PKHD1: variants seen among roughly 807,000 people sequenced by gnomAD.
The protein encoded by PKHD1 is fibrocystin.
Under a neutral mutation model 412.0 loss-of-function variants are expected in PKHD1, and 291 were observed. The ratio of observed to expected loss-of-function variants is 0.71; its 90% CI spans 0.64 to 0.78. The LOEUF (loss-of-function observed/expected upper bound fraction) is 0.78, where lower values mean the gene tolerates loss of function less well. Ranked by LOEUF, PKHD1 falls within the 30% of genes least tolerant of loss-of-function variation. The probability of loss-of-function intolerance (pLI) is 0.00; values close to 1 mark genes in which losing one functional copy is unlikely to be tolerated. For missense variants in PKHD1, 4,825 were observed against 4,950.7 expected (o/e 0.97, Z 0.76); for synonymous variants, 1,777 against 1,821.5 (o/e 0.98, Z 0.62).
chr6:51,874,920 C>A lies in PKHD1; in HGVS notation c.7351-4281G>T, dbSNP rs577821420. 1.1e-3 allele frequency among the ~76,000 whole-genome samples: 88 copies of A among 83,536 alleles called. 18 individuals are homozygous for A. The South Asian group carries it at 0.019, about 18-fold the overall frequency. 54.8% of individuals were successfully genotyped at this position (83,536 alleles called of 152,430 possible). ...AGTGTGTGTGCGCACCGTGCGCGAGCCGAAGCAGGGCGAGGCATTGCCTCA... is the reference window on the plus strand; with the variant it reads ...AGTGTGTGTGCGCACCGTGCGCGAGACGAAGCAGGGCGAGGCATTGCCTCA... On this transcript the variant is annotated intron_variant, in intron 46 of 66. Transcript: ENST00000371117.
intron 35 of PKHD1, among the ~76,000 whole-genome samples, chr6:51,980,492 C>G (rs1237864153): frequency 6.6e-6 from 1 of 152,028 alleles, no homozygotes; most frequent in Admixed American, 6.6e-5. Flanking sequence ...TATATTCAAC[C>G]CATAAACATT....
intron 35 of PKHD1, among the ~76,000 whole-genome samples, chr6:51,981,631 C>G (rs1795322042): frequency 7.4e-6 from 1 of 135,528 alleles, no homozygotes; most frequent in Admixed American, 7.6e-5. Context: ...CAGTGGGTGC[C>G]CAGGCTGGAG....
intron 52 of PKHD1, among the ~76,000 whole-genome samples, chr6:51,809,492 T>C (rs1764352825): frequency 6.6e-6 from 1 of 152,110 alleles, no homozygotes; most frequent in South Asian, 2.1e-4. Context: ...TTTAAAATCC[T>C]TGCCAGTTGT....
chr6:51,634,663 T>C lies in PKHD1; in HGVS notation c.11507-1940A>G, dbSNP rs548708395. On this transcript the variant is annotated intron_variant, in intron 64 of 66. Transcript: ENST00000371117. ...TAATGCAAATCAATTGCTTTGGATG[T>C]TTATTTTCCATTGATATGATTCGGG... Among the ~76,000 whole-genome samples, 11 of 152,314 alleles carry C rather than the reference T, an allele frequency of 7.2e-5. No individual in the cohort carries two copies. In the East Asian group the frequency reaches 2.1e-3, roughly 29 times the overall value.
chr6:51,663,789 A>G (rs1773255596), intron 60 of PKHD1, among the ~76,000 whole-genome samples: 1 of 152,158 alleles, frequency 6.6e-6, no homozygotes, highest in African/African-American at 2.4e-5. Context: ...CTCTAAATTG[A>G]TTCTTAATAT....
chr6:51,664,602 A>AT, intron 60 of PKHD1, among the ~76,000 whole-genome samples: 1 of 152,270 alleles, frequency 6.6e-6, no homozygotes, highest in Middle Eastern at 3.4e-3. Flanking sequence ...ATGCAGTAAG[A>AT]TTTTGTTACT....
chr6:51,930,633 G>A (rs1246456367), intron 37 of PKHD1, among the ~76,000 whole-genome samples: 2 of 152,218 alleles, frequency 1.3e-5, no homozygotes, highest in Non-Finnish European at 2.9e-5. Flanking sequence ...CAGACCATTT[G>A]TGTGATTCTA....
intron 35 of PKHD1, among the ~76,000 whole-genome samples, chr6:51,985,203 T>C (rs1796060197): frequency 6.6e-6 from 1 of 152,232 alleles, no homozygotes; most frequent in South Asian, 2.1e-4. Flanking sequence ...TCATATACTT[T>C]CTCAAAATAT....
At chr6:51,993,013 A>G (rs1797226599) in intron 35 of PKHD1, among the ~76,000 whole-genome samples, 1 of 152,192 alleles carries the variant, frequency 6.6e-6, no homozygotes, top group African/African-American at 2.4e-5. Context: ...TTAGCCTTGC[A>G]ATTTCTTAAT....
chr6:51,909,126 G>A (rs577348125), intron 40 of PKHD1, among the ~76,000 whole-genome samples, 157 bp downstream of exon 40: 4 of 152,218 alleles, frequency 2.6e-5, no homozygotes, highest in South Asian at 2.1e-4. Context: ...ATTTGTTTAG[G>A]CATACTGAAG....
intron 44 of PKHD1, 56 bp from the exon 45 acceptor site, chr6:51,886,028 T>A (rs966285513): frequency 1.9e-6 from 2 of 1,040,606 alleles, no homozygotes; most frequent in Non-Finnish European, 3.0e-6. Context: ...AACTTTCTAC[T>A]TTTTCTTGTT....
chr6:51,851,023 GT>G (rs1562461353), intron 49 of PKHD1, among the ~76,000 whole-genome samples: 1 of 152,118 alleles, frequency 6.6e-6, no homozygotes, highest in African/African-American at 2.4e-5. Context: ...TATGACATTT[GT>G]TGTGGGTTGG....
At chr6:51,782,961 A>C (rs1372776258) in intron 53 of PKHD1, among the ~76,000 whole-genome samples, 3 of 152,178 alleles carry the variant, frequency 2.0e-5, no homozygotes, top group Non-Finnish European at 4.4e-5. Flanking sequence ...TTTAGGATTG[A>C]GAAAGTCCCA....
intron 17 of PKHD1, 38 bp downstream of exon 17, chr6:52,056,851 TC>T: frequency 6.3e-7 from 1 of 1,586,858 alleles, no homozygotes; most frequent in Non-Finnish European, 8.7e-7. Context: ...CCCCCAGTTC[TC>T]CCACTCCCCT....
At chr6:51,728,920 C>T (rs1241702740) in intron 60 of PKHD1, among the ~76,000 whole-genome samples, 1 of 152,184 alleles carries the variant, frequency 6.6e-6, no homozygotes, top group Non-Finnish European at 1.5e-5. Context: ...AGTGCTTATC[C>T]TATGACAGGC....
At chr6:51,815,985 TA>T in intron 52 of PKHD1, among the ~76,000 whole-genome samples, 1 of 152,302 alleles carries the variant, frequency 6.6e-6, no homozygotes, top group Non-Finnish European at 1.5e-5. Context: ...AATATGTCTT[TA>T]AAAAAGGATG....
chr6:51,830,770 C>T, intron 52 of PKHD1, 91 bp downstream of exon 52: 1 of 1,284,504 alleles, frequency 7.8e-7, no homozygotes, highest in Non-Finnish European at 1.1e-6. Flanking sequence ...TTTCCAAACT[C>T]TTTACTGTGT....
chr6:51,902,556 C>T (rs1781448921), intron 43 of PKHD1, among the ~76,000 whole-genome samples: 1 of 152,090 alleles, frequency 6.6e-6, no homozygotes, highest in Non-Finnish European at 1.5e-5. Flanking sequence ...GTTTATTCAG[C>T]TGAAGGTAAT....
chr6:51,874,661 G>A (rs561375309), intron 46 of PKHD1, among the ~76,000 whole-genome samples: 1 of 152,314 alleles, frequency 6.6e-6, no homozygotes, highest in South Asian at 2.1e-4. Context: ...AGGCGCAGTG[G>A]CTCACGCCTG....
Sources: gnomAD v4.1 joint callset for allele counts (sites outside exome capture counted in the v4.1 genomes callset) on GRCh38, gnomAD v4.1.1 for gene constraint, MANE v1.5 for transcripts, NCBI Gene and HGNC (gene_info 2026-07-23, HGNC 2026-07-21) for gene names.